Variants in C1orf21 observed in about 807,000 individuals in gnomAD.
C1orf21 encodes uncharacterized protein C1orf21.
C1orf21 carries 3 observed loss-of-function variants against 18.7 expected under a neutral mutation model. That is an observed-to-expected ratio of 0.16 (90% CI 0.07 to 0.42). The LOEUF is 0.42. Ranked by LOEUF, C1orf21 falls within the 10% of genes least tolerant of loss-of-function variation. The pLI, the probability that C1orf21 is intolerant of heterozygous loss-of-function variation, is 0.99. For synonymous variants in C1orf21, 41 were observed against 46.4 expected, an observed-to-expected ratio of 0.88 and a Z score of 0.47; for missense variants, 104 against 143.6, an observed-to-expected ratio of 0.72 and a Z score of 1.41.
At chr1:184,475,949 C>A (rs1657565249) in intron 1 of C1orf21, among the ~76,000 whole-genome samples, 1 of 152,060 alleles carries the variant, frequency 6.6e-6, no homozygotes, top group Non-Finnish European at 1.5e-5. Context: ...TTAACATAAC[C>A]ACTGATAGAG....
intron 1 of C1orf21, among the ~76,000 whole-genome samples, chr1:184,447,550 A>G (rs1483583498): frequency 6.6e-6 from 1 of 152,146 alleles, no homozygotes; most frequent in Non-Finnish European, 1.5e-5. Flanking sequence ...CAGTTTTACT[A>G]TTTACCTAAT....
chr1:184,393,730 A>G (rs1003403716), intron 1 of C1orf21, among the ~76,000 whole-genome samples: 3 of 152,254 alleles, frequency 2.0e-5, no homozygotes, highest in Admixed American at 6.5e-5. Flanking sequence ...AAAGCATTCC[A>G]GAGATTTTCA....
intron 2 of C1orf21, among the ~76,000 whole-genome samples, chr1:184,481,346 G>A (rs963706738): frequency 6.6e-6 from 1 of 152,106 alleles, no homozygotes; most frequent in Admixed American, 6.5e-5. Context: ...GCTAGTGGGG[G>A]CATGATCTCC....
chr1:184,613,432 T>C (rs1659770230), intron 5 of C1orf21, among the ~76,000 whole-genome samples: 1 of 152,228 alleles, frequency 6.6e-6, no homozygotes, highest in Non-Finnish European at 1.5e-5. Context: ...GTTGCCTCTC[T>C]TTGCAGTCCT....
chr1:184,469,067 TCTA>T, intron 1 of C1orf21, among the ~76,000 whole-genome samples: 1 of 151,426 alleles, frequency 6.6e-6, no homozygotes, highest in East Asian at 1.9e-4. Context: ...AAACCCTGTC[TCTA>T]CTAAAAATAC....
chr1:184,413,336 C>T (rs540799192), intron 1 of C1orf21, among the ~76,000 whole-genome samples: 21 of 152,022 alleles, frequency 1.4e-4, no homozygotes, highest in Non-Finnish European at 1.8e-4. Flanking sequence ...CTCACATCCC[C>T]GTAAAAATTA....
intron 3 of C1orf21, among the ~76,000 whole-genome samples, chr1:184,550,465 C>A (rs1558000595): frequency 1.3e-5 from 2 of 152,156 alleles, no homozygotes; most frequent in Non-Finnish European, 2.9e-5. Context: ...AGCAGTAGAC[C>A]TGGCTGTCGT....
At chr1:184,496,661 C>G (rs1657898759) in intron 2 of C1orf21, among the ~76,000 whole-genome samples, 1 of 152,198 alleles carries the variant, frequency 6.6e-6, no homozygotes, top group Admixed American at 6.5e-5. Flanking sequence ...ACACAAGCAG[C>G]ATCTCAGAAG....
chr1:184,570,831 A>G (rs374494738), intron 3 of C1orf21, among the ~76,000 whole-genome samples: 61 of 151,760 alleles, frequency 4.0e-4, no homozygotes, highest in Non-Finnish European at 7.2e-4. Flanking sequence ...TTTTGTCGTC[A>G]TGTGAACCTC....
chr1:184,387,893 G>A lies in C1orf21; in HGVS notation c.-125+525G>A, dbSNP rs1041308913. Reference sequence around the variant, plus strand: ...TTTGTGTGGGTGGTTTGACCCCCGGGATTTCTGAAGTTTTGACCTTTTTGG... The same window carrying A: ...TTTGTGTGGGTGGTTTGACCCCCGGAATTTCTGAAGTTTTGACCTTTTTGG... On this transcript the variant is annotated intron_variant, in intron 1 of 5. Coordinates refer to ENST00000235307, the MANE Select transcript of C1orf21 (RefSeq NM_030806.4). The surrounding 1 kb of genome is among the most constrained non-coding windows in gnomAD (Gnocchi z 5.6). Among the ~76,000 whole-genome samples the A allele has an allele frequency of 6.6e-6, 1 of 152,182 alleles. No individual in the cohort carries two copies. Among genetic ancestry groups the A allele is most frequent in the African/African-American group, 2.4e-5 (1 of 41,444 alleles).
chr1:184,574,242 C>A lies in C1orf21; in HGVS notation c.190-16497C>A, dbSNP rs569370122. 3.9e-5 allele frequency among the ~76,000 whole-genome samples: 6 copies of A among 152,094 alleles called. No individual in the cohort carries two copies. In the South Asian group the frequency reaches 1.2e-3, roughly 32 times the overall value. ...AAAAAAGAAGTGAAGATAATATATA[C>A]CTTGGAAACATCGGAAGACTCAAAC... On this transcript the variant is annotated intron_variant, in intron 3 of 5. Transcript: ENST00000235307.
chr1:184,446,851 G>GTTT (rs928078620), intron 1 of C1orf21, among the ~76,000 whole-genome samples: 3 of 129,128 alleles, frequency 2.3e-5, no homozygotes, highest in Admixed American at 7.7e-5. Flanking sequence ...TTTTTTCGTG[G>GTTT]TTTTTTTTTT....
At chr1:184,517,390 CTATT>C (rs1658246892) in intron 3 of C1orf21, among the ~76,000 whole-genome samples, 1 of 152,154 alleles carries the variant, frequency 6.6e-6, no homozygotes, top group Non-Finnish European at 1.5e-5. Flanking sequence ...TTAGAAATGA[CTATT>C]TACCTTTGAG....
intron 4 of C1orf21, 30 bp from the exon 5 acceptor site, chr1:184,598,371 A>G: frequency 6.2e-7 from 1 of 1,607,452 alleles, no homozygotes; most frequent in Non-Finnish European, 8.5e-7. Flanking sequence ...AAGCACTAAA[A>G]TATGCACTTA....
At chr1:184,445,189 T>C (rs1386454528) in intron 1 of C1orf21, among the ~76,000 whole-genome samples, 1 of 152,220 alleles carries the variant, frequency 6.6e-6, no homozygotes, top group Admixed American at 6.5e-5. Flanking sequence ...CATACTGGCA[T>C]GTGGGAAGCT....
intron 3 of C1orf21, among the ~76,000 whole-genome samples, chr1:184,527,289 T>C (rs1557994454): frequency 6.6e-6 from 1 of 152,216 alleles, no homozygotes; most frequent in Non-Finnish European, 1.5e-5. Flanking sequence ...GAACAAGGAA[T>C]ACAGCAGTAT....
At chr1:184,612,788 C>T (rs1462870902) in intron 5 of C1orf21, among the ~76,000 whole-genome samples, 1 of 152,174 alleles carries the variant, frequency 6.6e-6, no homozygotes, top group East Asian at 1.9e-4. Context: ...GTTTCAGTTA[C>T]CCAGAGTCAA....
Position 184,619,619 on chromosome 1 carries a change from A to G in C1orf21, c.*63A>G. 6.6e-7 allele frequency: 1 copy of G among 1,522,350 alleles called. No homozygotes were observed. Among genetic ancestry groups the G allele is most frequent in the South Asian group, 1.2e-5 (1 of 85,458 alleles). The allele number at this position is 1,522,350 out of a possible 1,614,324, so 94.3% of individuals were successfully genotyped here. On this transcript the variant is annotated 3_prime_UTR_variant, in exon 6 of 6. Transcript: ENST00000235307. ...GTAAATAGGTTACACCCCAGTTGAA[A>G]TCTTTGCAAAGGTCGGTTCTATTCA...
chr1:184,516,433 C>T (rs578029116), intron 3 of C1orf21, among the ~76,000 whole-genome samples: 8 of 152,296 alleles, frequency 5.3e-5, no homozygotes, highest in African/African-American at 1.9e-4. Context: ...ATTAAATTTC[C>T]ATTACATGTC....
Sources: gnomAD v4.1 joint callset for allele counts (sites outside exome capture counted in the v4.1 genomes callset) on GRCh38, gnomAD v4.1.1 for gene constraint, Gnocchi (gnomAD v3.1) non-coding constraint, MANE v1.5 for transcripts, NCBI Gene and HGNC (gene_info 2026-07-23, HGNC 2026-07-21) for gene names.